PRKG1: variants seen among roughly 807,000 people sequenced by gnomAD.
The protein encoded by PRKG1 is protein kinase cGMP-dependent 1, also known as cGMP-dependent protein kinase 1.
In PRKG1, 35 loss-of-function variants were observed where a neutral mutation model predicts 88.1. The ratio of observed to expected loss-of-function variants is 0.40; its 90% CI spans 0.30 to 0.53. PRKG1 has a LOEUF of 0.53. PRKG1 is among the 20% of genes least tolerant of loss of function. The pLI, the probability that PRKG1 is intolerant of heterozygous loss-of-function variation, is 0.59. For synonymous variants in PRKG1, 303 were observed against 292.5 expected (o/e 1.04, Z -0.37); for missense variants, 540 against 839.8 (o/e 0.64, Z 4.41).
chr10:51,007,019 A>C (rs1842948588), intron 1 of PRKG1, among the ~76,000 whole-genome samples: 1 of 149,888 alleles, frequency 6.7e-6, no homozygotes, highest in East Asian at 2.0e-4. Context: ...GCTCACTGCA[A>C]CTTCTGCCAC....
intron 4 of PRKG1, among the ~76,000 whole-genome samples, chr10:51,825,332 T>TC (rs1023345424): frequency 6.6e-6 from 1 of 152,158 alleles, no homozygotes; most frequent in African/African-American, 2.4e-5. Flanking sequence ...CCAAGCTCTT[T>TC]CCCCTTTCTC....
chr10:52,153,964 C>A (rs369804364), intron 8 of PRKG1, among the ~76,000 whole-genome samples: 3 of 152,028 alleles, frequency 2.0e-5, no homozygotes, highest in Non-Finnish European at 4.4e-5. Context: ...AGGCTGGTCT[C>A]GAACTCCTGA....
chr10:52,078,327 A>G (rs1268723283), intron 7 of PRKG1, among the ~76,000 whole-genome samples: 1 of 152,208 alleles, frequency 6.6e-6, no homozygotes, highest in African/African-American at 2.4e-5. Context: ...AATTATTTTT[A>G]AAATAATCAT....
chr10:51,872,863 A>T (rs1841195204), intron 4 of PRKG1, among the ~76,000 whole-genome samples: 1 of 152,124 alleles, frequency 6.6e-6, no homozygotes, highest in South Asian at 2.1e-4. Context: ...TTCATAGGGT[A>T]CCTATTTTCT....
At chr10:51,654,219 G>T (rs1564591777) in intron 3 of PRKG1, among the ~76,000 whole-genome samples, 1 of 152,136 alleles carries the variant, frequency 6.6e-6, no homozygotes, top group African/African-American at 2.4e-5. Flanking sequence ...TGTAAGACAA[G>T]GATCCAATTT....
chr10:52,203,350 C>T (rs1237112353), intron 9 of PRKG1, among the ~76,000 whole-genome samples: 5 of 152,038 alleles, frequency 3.3e-5, no homozygotes, highest in African/African-American at 1.2e-4. Context: ...GTATTGATTT[C>T]TATTTTTATT....
chr10:52,023,183 G>C (rs1181393045), intron 5 of PRKG1, among the ~76,000 whole-genome samples: 1 of 152,112 alleles, frequency 6.6e-6, no homozygotes, highest in Non-Finnish European at 1.5e-5. Context: ...TTTCTGTCTT[G>C]TGTTAGTTTG....
At chr10:51,726,119 G>A (rs944856827) in intron 3 of PRKG1, among the ~76,000 whole-genome samples, 3 of 152,114 alleles carry the variant, frequency 2.0e-5, no homozygotes, top group South Asian at 2.1e-4. Flanking sequence ...TTCCCATAAT[G>A]TAATACTGTT....
At chr10:52,199,763 G>C (rs1316832267) in intron 9 of PRKG1, among the ~76,000 whole-genome samples, 1 of 152,096 alleles carries the variant, frequency 6.6e-6, no homozygotes, top group Admixed American at 6.6e-5. Context: ...GATTCCGCAG[G>C]TCCTTTTTAA....
intron 5 of PRKG1, among the ~76,000 whole-genome samples, chr10:51,934,254 A>C (rs867569137): frequency 3.1e-4 from 44 of 143,882 alleles, no homozygotes; most frequent in South Asian, 8.9e-4. Flanking sequence ...ACACACACAT[A>C]CCCCCCCCCC....
At chr10:52,239,557 A>G (rs958923530) in intron 9 of PRKG1, among the ~76,000 whole-genome samples, 22 of 148,502 alleles carry the variant, frequency 1.5e-4, no homozygotes, top group African/African-American at 5.1e-4. Flanking sequence ...AATTGTCATA[A>G]TAGGCCTGAA....
intron 2 of PRKG1, among the ~76,000 whole-genome samples, chr10:51,291,168 GC>G (rs760426536): frequency 9.2e-5 from 14 of 152,100 alleles, no homozygotes; most frequent in Non-Finnish European, 1.9e-4. Context: ...GAAAGTTAAT[GC>G]CCCTGACCTT....
intron 3 of PRKG1, among the ~76,000 whole-genome samples, chr10:51,629,951 T>A (rs925936675): frequency 1.3e-5 from 2 of 152,194 alleles, no homozygotes; most frequent in Non-Finnish European, 2.9e-5. Context: ...ATCGCCCCCA[T>A]AATTCCAGTT....
At chr10:51,741,012 C>G (rs566009804) in intron 3 of PRKG1, among the ~76,000 whole-genome samples, 62 of 151,212 alleles carry the variant, frequency 4.1e-4, no homozygotes, top group Middle Eastern at 3.5e-3. Context: ...GATGGACAGA[C>G]GCAGAGAAGG....
chr10:51,631,589 A>C (rs1169962767), intron 3 of PRKG1, among the ~76,000 whole-genome samples: 1 of 152,172 alleles, frequency 6.6e-6, no homozygotes, highest in Non-Finnish European at 1.5e-5. Flanking sequence ...GCTCTCTGCT[A>C]AGGTTAATCT....
intron 4 of PRKG1, among the ~76,000 whole-genome samples, chr10:51,867,524 T>C (rs1564683847): frequency 6.6e-6 from 1 of 152,052 alleles, no homozygotes; most frequent in African/African-American, 2.4e-5. Flanking sequence ...CACAGATGGA[T>C]TGGAGAAAGA....
chr10:52,146,055 GTCC>G (rs1837719315), intron 8 of PRKG1, among the ~76,000 whole-genome samples: 1 of 152,158 alleles, frequency 6.6e-6, no homozygotes, highest in African/African-American at 2.4e-5. Context: ...GAAGGGTGTT[GTCC>G]TCCTAGCTGC....
intron 12 of PRKG1, among the ~76,000 whole-genome samples, chr10:52,273,984 T>C (rs916601766): frequency 6.6e-6 from 1 of 152,152 alleles, no homozygotes; most frequent in Non-Finnish European, 1.5e-5. Flanking sequence ...TATATTTGAC[T>C]TGATATTTCA....
intron 1 of PRKG1, among the ~76,000 whole-genome samples, chr10:51,021,202 A>AT (rs1352917617): frequency 1.3e-5 from 2 of 152,192 alleles, no homozygotes; most frequent in Admixed American, 1.3e-4. Flanking sequence ...AAGTAGATTA[A>AT]TTTTGATATA....
Sources: gnomAD v4.1 joint callset for allele counts (sites outside exome capture counted in the v4.1 genomes callset) on GRCh38, gnomAD v4.1.1 for gene constraint, MANE v1.5 for transcripts, NCBI Gene and HGNC (gene_info 2026-07-23, HGNC 2026-07-21) for gene names.